Variants in MSRA observed in about 807,000 individuals in gnomAD.
MSRA encodes the protein methionine sulfoxide reductase A, also known as mitochondrial peptide methionine sulfoxide reductase.
A neutral mutation model predicts 31.3 loss-of-function variants in MSRA; 54 were observed. The observed-to-expected ratio is 1.73, with a 90% confidence interval of 1.39 to 2.17. The LOEUF is 2.17. MSRA is among the 30% of genes most tolerant of loss of function. The pLI is 0.00. For synonymous variants in MSRA, 169 were observed against 116.5 expected (o/e 1.45, Z -2.90); for missense variants, 507 against 300.9 (o/e 1.69, Z -5.07).
At chr8:10,305,047 G>C (rs1180631986) in intron 4 of MSRA, among the ~76,000 whole-genome samples, 4 of 152,234 alleles carry the variant, frequency 2.6e-5, no homozygotes. Context: ...CCACAGAAAT[G>C]TGACTCAAGA....
intron 1 of MSRA, among the ~76,000 whole-genome samples, chr8:10,162,105 T>C (rs937124449): frequency 2.6e-5 from 4 of 151,956 alleles, no homozygotes; most frequent in African/African-American, 9.7e-5. Flanking sequence ...TGGGAGGTGA[T>C]TAGAGAGAAT....
chr8:10,095,068 G>T (rs955714032), intron 1 of MSRA, among the ~76,000 whole-genome samples: 50 of 152,142 alleles, frequency 3.3e-4, no homozygotes, highest in African/African-American at 1.2e-3. Flanking sequence ...ACATTTCTGG[G>T]CATACGGTTT....
chr8:10,141,420 G>T (rs191820771), intron 1 of MSRA, among the ~76,000 whole-genome samples: 1 of 152,146 alleles, frequency 6.6e-6, no homozygotes, highest in Non-Finnish European at 1.5e-5. Flanking sequence ...AAAGGAAAAC[G>T]CACTCCAATG....
chr8:10,384,663 T>C (rs1436219262), intron 5 of MSRA, among the ~76,000 whole-genome samples: 2 of 152,176 alleles, frequency 1.3e-5, no homozygotes, highest in Non-Finnish European at 2.9e-5. Context: ...TGAGAACTGT[T>C]GCACTAGCGG....
chr8:10,093,011 G>A (rs573537549), intron 1 of MSRA, among the ~76,000 whole-genome samples: 14 of 152,132 alleles, frequency 9.2e-5, no homozygotes, highest in Non-Finnish European at 1.3e-4. Context: ...TAGCTCTCTT[G>A]GGGTTTCTTT....
chr8:10,179,395 G>A (rs915209967), intron 1 of MSRA, among the ~76,000 whole-genome samples: 1 of 152,194 alleles, frequency 6.6e-6, no homozygotes, highest in Admixed American at 6.5e-5. Context: ...GTGGGACTGA[G>A]CAATCTCCAT....
At chr8:10,131,912 G>A (rs987547209) in intron 1 of MSRA, among the ~76,000 whole-genome samples, 3 of 152,162 alleles carry the variant, frequency 2.0e-5, no homozygotes, top group Non-Finnish European at 2.9e-5. Context: ...TCTTTTAATG[G>A]AAAAACCAGT....
chr8:10,095,741 T>G (rs1341964788), intron 1 of MSRA: 24 of 1,114,930 alleles, frequency 2.2e-5, no homozygotes, highest in Non-Finnish European at 2.5e-5. Context: ...TTAGAAGGCT[T>G]TTTAAGTCTC....
chr8:10,175,897 A>G (rs1258362915), intron 1 of MSRA, among the ~76,000 whole-genome samples: 1 of 152,174 alleles, frequency 6.6e-6, no homozygotes, highest in East Asian at 1.9e-4. Flanking sequence ...TTTTTTATTC[A>G]TTCCTTACAA....
chr8:10,361,593 G>A (rs1804849735), intron 5 of MSRA, among the ~76,000 whole-genome samples: 1 of 152,134 alleles, frequency 6.6e-6, no homozygotes, highest in Non-Finnish European at 1.5e-5. Flanking sequence ...GTAAACACAA[G>A]CCATTACTGG....
intron 1 of MSRA, among the ~76,000 whole-genome samples, chr8:10,061,334 A>G (rs1802708172): frequency 6.6e-6 from 1 of 152,150 alleles, no homozygotes; most frequent in African/African-American, 2.4e-5. Context: ...TGTATTGTCC[A>G]TATATCCTTA....
intron 5 of MSRA, among the ~76,000 whole-genome samples, chr8:10,347,576 T>C (rs1357210106): frequency 6.6e-6 from 1 of 152,218 alleles, no homozygotes; most frequent in Non-Finnish European, 1.5e-5. Context: ...GACCTCAGCC[T>C]GCCGCCTGGT....
chr8:10,212,064 CT>C (rs1188017837), intron 2 of MSRA, among the ~76,000 whole-genome samples: 1 of 151,820 alleles, frequency 6.6e-6, no homozygotes, highest in Non-Finnish European at 1.5e-5. Context: ...GCATGCACCT[CT>C]AATCCTAGCT....
intron 5 of MSRA, among the ~76,000 whole-genome samples, chr8:10,373,299 AT>A (rs1384476558): frequency 6.6e-6 from 1 of 152,250 alleles, no homozygotes; most frequent in East Asian, 1.9e-4. Flanking sequence ...GGACTGAAAG[AT>A]TAGGTAAATT....
At chr8:10,167,648 T>G (rs1805257015) in intron 1 of MSRA, among the ~76,000 whole-genome samples, 1 of 152,120 alleles carries the variant, frequency 6.6e-6, no homozygotes, top group African/African-American at 2.4e-5. Flanking sequence ...GGAGCGTACT[T>G]AGCATCTTTT....
intron 1 of MSRA, among the ~76,000 whole-genome samples, chr8:10,062,334 A>G (rs1224071253): frequency 6.6e-6 from 1 of 152,212 alleles, no homozygotes; most frequent in Non-Finnish European, 1.5e-5. Context: ...TGCTTTCAGG[A>G]TGTCAGTGCA....
intron 5 of MSRA, among the ~76,000 whole-genome samples, chr8:10,349,511 G>T (rs1054545414): frequency 2.6e-5 from 4 of 152,064 alleles, no homozygotes; most frequent in Admixed American, 1.3e-4. Context: ...CTCTGCTTCC[G>T]CATGGCATCT....
At chr8:10,067,011 C>T (rs751513726) in intron 1 of MSRA, among the ~76,000 whole-genome samples, 1 of 151,934 alleles carries the variant, frequency 6.6e-6, no homozygotes, top group East Asian at 1.9e-4. Flanking sequence ...AATATAGATA[C>T]ATTATTATTA....
Position 10,426,252 on chromosome 8 carries a change from G to T in MSRA, c.544-1896G>T, listed in dbSNP as rs1809155104. ...CTGGAGCCAAATGCTGTGTGAGCTG[G>T]GGCCCGGTCATGGAAACAGAAAACT... On this transcript the variant is annotated intron_variant, in intron 5 of 5. Transcript: ENST00000317173. 3.3e-5 allele frequency among the ~76,000 whole-genome samples: 5 copies of T among 152,284 alleles called. No individual in the cohort carries two copies. In the South Asian group the frequency reaches 1.0e-3, roughly 32 times the overall value.
Sources: gnomAD v4.1 joint callset for allele counts (sites outside exome capture counted in the v4.1 genomes callset) on GRCh38, gnomAD v4.1.1 for gene constraint, MANE v1.5 for transcripts, NCBI Gene and HGNC (gene_info 2026-07-23, HGNC 2026-07-21) for gene names.